The following NSRP1 variants were observed in gnomAD, a reference collection of about 807,000 sequenced individuals.
The protein encoded by NSRP1 is coiled-coil domain containing 55.
Under a neutral mutation model 54.7 loss-of-function variants are expected in NSRP1, and 24 were observed. The observed-to-expected ratio is 0.44, with a 90% CI of 0.32 to 0.62. NSRP1 has a LOEUF of 0.62. NSRP1 is among the 20% of genes least tolerant of loss of function. The pLI, the probability that NSRP1 is intolerant of heterozygous loss-of-function variation, is 0.06. For missense variants in NSRP1, 596 were observed against 651.2 expected, an observed-to-expected ratio of 0.92 and a Z score of 0.92; for synonymous variants, 210 against 213.8, an observed-to-expected ratio of 0.98 and a Z score of 0.15.
chr17:30,121,742 G>A (rs1338723108), intron 2 of NSRP1, among the ~76,000 whole-genome samples: 1 of 151,906 alleles, frequency 6.6e-6, no homozygotes, highest in Non-Finnish European at 1.5e-5. Context: ...GCTAATTTTT[G>A]TATTTTTAGT....
At chr17:30,161,003 C>T (rs1195029885) in intron 2 of NSRP1, among the ~76,000 whole-genome samples, 2 of 151,988 alleles carry the variant, frequency 1.3e-5, no homozygotes, top group African/African-American at 4.8e-5. Context: ...AGACCATAAA[C>T]GGGTGAATGG....
chr17:30,154,864 A>G (rs1003666003), intron 2 of NSRP1, among the ~76,000 whole-genome samples: 11 of 152,200 alleles, frequency 7.2e-5, no homozygotes, highest in African/African-American at 2.7e-4. Context: ...TTCTTTGAGC[A>G]TACTGTTGAC....
chr17:30,118,056 C>A (rs768196445), intron 1 of NSRP1, 24 bp from the exon 2 acceptor site: 2 of 1,580,936 alleles, frequency 1.3e-6, no homozygotes, highest in Non-Finnish European at 1.7e-6. Flanking sequence ...GGTTTAATTT[C>A]TATTTCAAAA....
intron 2 of NSRP1, among the ~76,000 whole-genome samples, chr17:30,166,556 G>A (rs545956844): frequency 6.6e-6 from 1 of 152,264 alleles, no homozygotes; most frequent in East Asian, 1.9e-4. Flanking sequence ...TTTGTTATAT[G>A]AATGCAATGC....
Position 30,174,883 on chromosome 17 carries a change from AGAGTTTTT to A in NSRP1, c.171+2286_171+2293del, listed in dbSNP as rs1162664218. ...CATTTGGCTTACTAAAGCTTCATTAAGAGTTTTTAAGTATTGAAGATTTTTGCATCATA... is the reference window on the plus strand; with the variant it reads ...CATTTGGCTTACTAAAGCTTCATTAAAAGTATTGAAGATTTTTGCATCATA... On this transcript the variant is annotated intron_variant, in intron 3 of 6. Transcript: ENST00000247026. 2.0e-5 allele frequency among the ~76,000 whole-genome samples: 3 copies of A among 152,366 alleles called. No homozygotes were observed. In the East Asian group the frequency reaches 5.8e-4, roughly 29 times the overall value.
At chr17:30,175,331 A>G (rs1375406374) in intron 3 of NSRP1, among the ~76,000 whole-genome samples, 1 of 152,096 alleles carries the variant, frequency 6.6e-6, no homozygotes, top group Non-Finnish European at 1.5e-5. Context: ...TCTGAACATA[A>G]CGGAGGTTTT....
chr17:30,142,190 T>G (rs1183432926), intron 2 of NSRP1, among the ~76,000 whole-genome samples: 5 of 152,262 alleles, frequency 3.3e-5, no homozygotes, highest in African/African-American at 1.2e-4. Flanking sequence ...ACATGATTTT[T>G]ATAAGTGTGG....
chr17:30,149,307 C>T (rs1444184107), intron 2 of NSRP1, among the ~76,000 whole-genome samples: 1 of 152,164 alleles, frequency 6.6e-6, no homozygotes, highest in Non-Finnish European at 1.5e-5. Flanking sequence ...ACCTTGGCCT[C>T]CCAGAGTGTT....
chr17:30,157,656 T>G (rs1201380021), intron 2 of NSRP1, among the ~76,000 whole-genome samples: 1 of 152,122 alleles, frequency 6.6e-6, no homozygotes, highest in South Asian at 2.1e-4. Flanking sequence ...CTCCCCTCTT[T>G]ATCCCCTCTC....
At chr17:30,135,004 A>G (rs573853908) in intron 2 of NSRP1, among the ~76,000 whole-genome samples, 1 of 152,294 alleles carries the variant, frequency 6.6e-6, no homozygotes, top group East Asian at 1.9e-4. Context: ...CCGGATATAT[A>G]TATATATTTT....
chr17:30,155,143 A>G (rs771444963), intron 2 of NSRP1, among the ~76,000 whole-genome samples: 6 of 152,044 alleles, frequency 3.9e-5, no homozygotes, highest in Non-Finnish European at 7.4e-5. Flanking sequence ...GTAAATGTAT[A>G]TATTTATGGA....
At chr17:30,119,452 C>G (rs1567787388) in intron 2 of NSRP1, among the ~76,000 whole-genome samples, 1 of 152,038 alleles carries the variant, frequency 6.6e-6, no homozygotes, top group Non-Finnish European at 1.5e-5. Flanking sequence ...CTCAGGTGAT[C>G]CACTTGCCTT....
At chr17:30,161,018 A>G (rs1268546410) in intron 2 of NSRP1, among the ~76,000 whole-genome samples, 3 of 152,196 alleles carry the variant, frequency 2.0e-5, no homozygotes, top group African/African-American at 7.2e-5. Context: ...GAATGGATAA[A>G]CAATTTGTGC....
intron 2 of NSRP1, among the ~76,000 whole-genome samples, chr17:30,136,474 TATCTC>T (rs781752635): frequency 5.3e-5 from 8 of 152,196 alleles, no homozygotes; most frequent in Non-Finnish European, 1.0e-4. Context: ...TGATATGAAT[TATCTC>T]ATGTAATCAT....
At chr17:30,127,226 A>G (rs573073521) in intron 2 of NSRP1, among the ~76,000 whole-genome samples, 1 of 152,222 alleles carries the variant, frequency 6.6e-6, no homozygotes, top group East Asian at 1.9e-4. Context: ...TGCATGACAG[A>G]TTAAACCTAG....
chr17:30,184,614 G>T lies in NSRP1; in HGVS notation c.618-1G>T. ...GCCCTTTTTTGTTTTTTGTTTCTAA[G>T]ATCTGGTATAAAGGAAGAAAAATCA... On this transcript the variant is annotated splice_acceptor_variant, in intron 6 of 6. Transcript: ENST00000247026. LOFTEE classifies it high-confidence loss of function. 1 of 1,531,720 alleles carries T rather than the reference G, an allele frequency of 6.5e-7. No homozygotes were observed. The highest frequency in any genetic ancestry group is 8.8e-7 in the Non-Finnish European group (1 of 1,140,910). The allele number at this position is 1,531,720 out of a possible 1,614,324, so 94.9% of individuals were successfully genotyped here.
intron 3 of NSRP1, among the ~76,000 whole-genome samples, chr17:30,175,536 C>T (rs1905098409): frequency 6.6e-6 from 1 of 151,852 alleles, no homozygotes; most frequent in Non-Finnish European, 1.5e-5. Context: ...TGGATTCAAG[C>T]GATTTTTCTG....
chr17:30,123,838 G>A (rs1028333676), intron 2 of NSRP1, among the ~76,000 whole-genome samples: 1 of 151,888 alleles, frequency 6.6e-6, no homozygotes, highest in Non-Finnish European at 1.5e-5. Flanking sequence ...ATCGTCCATC[G>A]TCTATTTACC....
chr17:30,122,349 T>TGTGTGTGTGTGTGTATATATATATA (rs1481107161), intron 2 of NSRP1: 2 of 72,304 alleles, frequency 2.8e-5, no homozygotes, highest in African/African-American at 1.1e-4. Context: ...ATAACTCTGG[T>TGTGTGTGTGTGTGTATATATATATA]TTCATATATA....
Sources: gnomAD v4.1 joint callset for allele counts (sites outside exome capture counted in the v4.1 genomes callset) on GRCh38, gnomAD v4.1.1 for gene constraint, MANE v1.5 for transcripts, NCBI Gene and HGNC (gene_info 2026-07-23, HGNC 2026-07-21) for gene names.